The following PTPRD variants were observed in gnomAD, a reference collection of about 807,000 sequenced individuals.
The protein encoded by PTPRD is protein tyrosine phosphatase receptor type D.
A neutral mutation model predicts 214.5 loss-of-function variants in PTPRD; 34 were observed. The observed-to-expected ratio is 0.16, with a 90% CI of 0.12 to 0.21. The LOEUF (loss-of-function observed/expected upper bound fraction) is 0.21. Among genes scored for constraint, PTPRD ranks in the 10% least tolerant of loss-of-function variants. The probability of loss-of-function intolerance (pLI) is 1.00; values close to 1 mark genes in which losing one functional copy is unlikely to be tolerated. For synonymous variants in PTPRD, 1,128 were observed against 845.7 expected (o/e 1.33, Z -5.79); for missense variants, 2,545 against 2,398.7 (o/e 1.06, Z -1.27).
chr9:9,488,172 T>C (rs1280894431), intron 8 of PTPRD, among the ~76,000 whole-genome samples: 1 of 152,172 alleles, frequency 6.6e-6, no homozygotes, highest in Non-Finnish European at 1.5e-5. Context: ...AGTGTCAAGA[T>C]GAATATGTAT....
intron 3 of PTPRD, among the ~76,000 whole-genome samples, chr9:10,071,286 T>C (rs1176496902): frequency 2.6e-5 from 4 of 152,028 alleles, no homozygotes; most frequent in Admixed American, 6.6e-5. Flanking sequence ...GTAAAATTTA[T>C]GTGGAAAGGG....
In PTPRD at chr9:9,691,964, T is replaced by C. The variant is rs575422673; in HGVS notation, c.-287+42569A>G. Among the ~76,000 whole-genome samples the C allele has an allele frequency of 2.6e-5, 4 of 152,252 alleles. No homozygotes were observed. The East Asian group carries it at 5.8e-4, about 22-fold the overall frequency. ...TTGAAATATTTTGCCCATTTTTCAA[T>C]CAGATTATGAGATCTTTTCCTTTGG... On this transcript the variant is annotated intron_variant, in intron 7 of 45. Transcript: ENST00000381196.
In PTPRD at chr9:9,981,354, A is replaced by ATT. The variant is rs1555426883; in HGVS notation, c.-471-42746_-471-42745dup. Reference sequence around the variant, plus strand: ...TTAAAACATATACTCACATTAAACAATTTTTTTTTTTTTTTTTTAAGACAG... The same window carrying ATT: ...TTAAAACATATACTCACATTAAACAATTTTTTTTTTTTTTTTTTTTAAGACAG... On this transcript the variant is annotated intron_variant, in intron 4 of 45. Transcript: ENST00000381196. Among the ~76,000 whole-genome samples the ATT allele has an allele frequency of 5.1e-5, 7 of 138,192 alleles. 1 individual carries two copies. The highest frequency in any genetic ancestry group is 2.1e-4 in the East Asian group (1 of 4,836). 90.7% of individuals were successfully genotyped at this position (138,192 alleles called of 152,430 possible).
intron 8 of PTPRD, among the ~76,000 whole-genome samples, chr9:9,402,707 T>A (rs1247013380): frequency 1.3e-5 from 2 of 148,618 alleles, no homozygotes; most frequent in African/African-American, 5.0e-5. Flanking sequence ...AAATAAAAGA[T>A]GTCTGAGCAA....
chr9:8,771,896 C>T (rs1029708500), intron 11 of PTPRD, among the ~76,000 whole-genome samples: 4 of 151,362 alleles, frequency 2.6e-5, no homozygotes, highest in African/African-American at 7.3e-5. Context: ...GTGTACCTCA[C>T]GCAGAAAAGC....
At chr9:9,590,245 A>AT (rs2092581687) in intron 7 of PTPRD, among the ~76,000 whole-genome samples, 1 of 151,814 alleles carries the variant, frequency 6.6e-6, no homozygotes, top group African/African-American at 2.4e-5. Context: ...TATCACAAGA[A>AT]TTTTTTTCTG....
intron 8 of PTPRD, among the ~76,000 whole-genome samples, chr9:9,452,811 G>C (rs138170908): frequency 1.5e-4 from 23 of 151,486 alleles, no homozygotes; most frequent in African/African-American, 5.1e-4. Flanking sequence ...AATGGGAAAT[G>C]CAATTTATTA....
chr9:8,738,382 A>G (rs2091020991), intron 11 of PTPRD, among the ~76,000 whole-genome samples: 1 of 149,102 alleles, frequency 6.7e-6, no homozygotes, highest in East Asian at 1.9e-4. Flanking sequence ...AGCTTTCTAT[A>G]CTGTTATTTG....
At chr9:8,790,049 C>T (rs184912454) in intron 11 of PTPRD, among the ~76,000 whole-genome samples, 2 of 152,208 alleles carry the variant, frequency 1.3e-5, no homozygotes, top group Admixed American at 1.3e-4. Context: ...CAGGGTTTCA[C>T]TGGGTCACTC....
At chr9:10,509,348 T>C (rs988997212) in intron 2 of PTPRD, among the ~76,000 whole-genome samples, 1 of 151,662 alleles carries the variant, frequency 6.6e-6, no homozygotes, top group Non-Finnish European at 1.5e-5. Context: ...ATTTGATTCA[T>C]AGATATGGAT....
At position 9,479,387 on chromosome 9, in the gene PTPRD, G is replaced by A. The variant is rs1034816695; in HGVS notation, c.-236-81905C>T. Among the ~76,000 whole-genome samples, 4 of 147,746 alleles carry A rather than the reference G, an allele frequency of 2.7e-5. No individual in the cohort carries two copies. In the East Asian group the frequency reaches 7.8e-4, roughly 29 times the overall value. ...CACACACACACATACACTCATTGCT[G>A]TTTTTGTATATTTCTTGAAAACTAA... On this transcript the variant is annotated intron_variant, in intron 8 of 45. Transcript: ENST00000381196.
intron 11 of PTPRD, among the ~76,000 whole-genome samples, chr9:8,986,457 T>A (rs1589333779): frequency 1.3e-5 from 2 of 151,790 alleles, no homozygotes; most frequent in South Asian, 4.1e-4. Context: ...TATATGCATA[T>A]ATGTCATATT....
chr9:8,461,962 T>G (rs916945991), intron 32 of PTPRD, among the ~76,000 whole-genome samples: 5 of 151,914 alleles, frequency 3.3e-5, no homozygotes, highest in African/African-American at 1.2e-4. Context: ...GAACCCGTAT[T>G]CTTAAGTTCT....
intron 12 of PTPRD, among the ~76,000 whole-genome samples, chr9:8,692,097 T>C (rs760785001): frequency 1.3e-5 from 2 of 152,166 alleles, no homozygotes; most frequent in Non-Finnish European, 2.9e-5. Flanking sequence ...TTCTTCAGAC[T>C]CTCAAACAGC....
chr9:9,826,810 C>G (rs1470442599), intron 5 of PTPRD, among the ~76,000 whole-genome samples: 1 of 152,054 alleles, frequency 6.6e-6, no homozygotes. Flanking sequence ...TCAGCAAAGT[C>G]TCAGGATACA....
At chr9:9,943,411 G>T (rs1421384730) in intron 4 of PTPRD, among the ~76,000 whole-genome samples, 2 of 152,062 alleles carry the variant, frequency 1.3e-5, no homozygotes, top group Non-Finnish European at 2.9e-5. Flanking sequence ...TAAGAAGTTT[G>T]AAATTCATTC....
intron 11 of PTPRD, among the ~76,000 whole-genome samples, chr9:8,952,533 C>T (rs1468901538): frequency 2.0e-5 from 3 of 151,772 alleles, no homozygotes; most frequent in Non-Finnish European, 2.9e-5. Context: ...AATTAAGGAG[C>T]ATGGGGAAAT....
At chr9:8,831,384 A>C (rs2097287981) in intron 11 of PTPRD, among the ~76,000 whole-genome samples, 1 of 152,194 alleles carries the variant, frequency 6.6e-6, no homozygotes, top group Admixed American at 6.5e-5. Context: ...GCTTGCTTCC[A>C]TTACACCATT....
At position 8,554,055 on chromosome 9, in the gene PTPRD, T is replaced by C. The variant is rs151334404; in HGVS notation, c.353-25276A>G. ...TACAAAAAATTAGCCGGGCGTGGTATTGCACGCCTGTAATCCCAGCTACTT... is the reference window on the plus strand; with the variant it reads ...TACAAAAAATTAGCCGGGCGTGGTACTGCACGCCTGTAATCCCAGCTACTT... On this transcript the variant is annotated intron_variant, in intron 14 of 45. Coordinates refer to ENST00000381196, the MANE Select transcript of PTPRD (RefSeq NM_002839.4). Among the ~76,000 whole-genome samples, 799 of 152,028 alleles carry C rather than the reference T, an allele frequency of 5.3e-3. 5 individuals are homozygous for C. Among genetic ancestry groups the C allele is most frequent in the African/African-American group, 0.012 (511 of 41,490 alleles).
Sources: gnomAD v4.1 joint callset for allele counts (sites outside exome capture counted in the v4.1 genomes callset) on GRCh38, gnomAD v4.1.1 for gene constraint, MANE v1.5 for transcripts, NCBI Gene and HGNC (gene_info 2026-07-23, HGNC 2026-07-21) for gene names.